PRR16: variants seen among roughly 807,000 people sequenced by gnomAD.
The protein encoded by PRR16 is protein Largen.
PRR16 carries 6 observed loss-of-function variants against 18.2 expected under a neutral mutation model. The ratio of observed to expected loss-of-function variants is 0.33; its 90% CI spans 0.18 to 0.65. PRR16 has a LOEUF of 0.65. Ranked by LOEUF, PRR16 falls within the 30% of genes least tolerant of loss-of-function variation. PRR16 has a pLI of 0.74. For synonymous variants in PRR16, 151 were observed against 147.8 expected (o/e 1.02, Z -0.16); for missense variants, 412 against 376.6 (o/e 1.09, Z -0.78).
intron 1 of PRR16, among the ~76,000 whole-genome samples, chr5:120,573,488 G>T (rs1462617836): frequency 6.6e-6 from 1 of 152,056 alleles, no homozygotes; most frequent in Non-Finnish European, 1.5e-5. Flanking sequence ...TTGCATTTCA[G>T]ATGCTAATTT....
At chr5:120,678,132 A>G (rs1756865270) in intron 1 of PRR16, among the ~76,000 whole-genome samples, 1 of 151,994 alleles carries the variant, frequency 6.6e-6, no homozygotes, top group African/African-American at 2.4e-5. Context: ...GATGGTGTCG[A>G]TCTCCTGACC....
chr5:120,720,775 T>A, the PRR16 span, among the ~76,000 whole-genome samples: 9 of 152,156 alleles, frequency 5.9e-5, no homozygotes, highest in South Asian at 1.9e-3. Flanking sequence ...TTTCTCAAAG[T>A]GTGTCTTGAA....
chr5:120,576,811 A>G lies in PRR16; in HGVS notation c.160-109143A>G, dbSNP rs138758991. Among the ~76,000 whole-genome samples, 44 of 152,118 alleles carry G rather than the reference A, an allele frequency of 2.9e-4. No individual in the cohort carries two copies. The East Asian group carries it at 8.6e-3, about 30-fold the overall frequency. On this transcript the variant is annotated intron_variant, in intron 1 of 1. Transcript: ENST00000407149. The stretch of plus-strand genomic sequence containing the variant: ...GCCTTAATACTCTGACTGGAACTCT[A>G]CCATTGGCTCTCCTGGGTCTCCAGC...
chr5:120,652,352 G>A (rs1050389641), intron 1 of PRR16, among the ~76,000 whole-genome samples: 1 of 152,156 alleles, frequency 6.6e-6, no homozygotes, highest in East Asian at 1.9e-4. Context: ...AGTCATATAA[G>A]CTTGTTACTT....
At chr5:120,641,923 T>A (rs911164318) in intron 1 of PRR16, among the ~76,000 whole-genome samples, 1 of 152,100 alleles carries the variant, frequency 6.6e-6, no homozygotes, top group African/African-American at 2.4e-5. Context: ...CCACTGTCCT[T>A]ACCCTAGGCA....
the PRR16 span, among the ~76,000 whole-genome samples, chr5:120,781,676 C>T: frequency 2.0e-5 from 3 of 151,946 alleles, no homozygotes; most frequent in Admixed American, 1.3e-4. Flanking sequence ...TTTGGAGTAC[C>T]ATGTTCTCAA....
rs751118607 is a variant in PRR16 at position 120,686,063 on chromosome 5, C to A, written c.269C>A (p.Ser90Tyr). 6 of 1,613,986 alleles carry A rather than the reference C, an allele frequency of 3.7e-6. No individual in the cohort carries two copies. The highest frequency in any genetic ancestry group is 8.5e-7 in the Non-Finnish European group (1 of 1,180,028). ...AGTAGCTCAAGTGGCACAACAGCCT[C>A]CAGCCTAGAGAAGATCAAAGTGCAG... ...LNSSSSGTTA[S>Y]SLEKIKVQAN... The change falls in exon 2 of 2, where the codon TCC becomes TAC. Residue 90 changes from serine to tyrosine, a missense_variant. Ser to Tyr is a moderately radical substitution (Grantham distance 144). Transcript: ENST00000407149.
the PRR16 span, among the ~76,000 whole-genome samples, chr5:120,746,452 G>C: frequency 0.1 from 15,736 of 151,786 alleles, 1,031 homozygotes; most frequent in African/African-American, 0.18. Flanking sequence ...TTAGTGAAGT[G>C]TATCTTAGTA....
At chr5:120,663,705 A>G (rs886156581) in intron 1 of PRR16, among the ~76,000 whole-genome samples, 15 of 152,148 alleles carry the variant, frequency 9.9e-5, no homozygotes, top group Admixed American at 5.2e-4. Flanking sequence ...ATACACATTC[A>G]TATCACTGTA....
rs558022786 is a variant in PRR16 at position 120,654,022 on chromosome 5, C to T, written c.160-31932C>T. On this transcript the variant is annotated intron_variant, in intron 1 of 1. Coordinates refer to ENST00000407149, the MANE Select transcript of PRR16 (RefSeq NM_001300783.2). ...TAGCTAGGCAAATGACCACCCTGTC[C>T]CAAAAACCTACATTTCTCAAACTCT... 7.2e-5 allele frequency among the ~76,000 whole-genome samples: 11 copies of T among 152,092 alleles called. No individual in the cohort carries two copies. The South Asian group carries it at 2.3e-3, about 32-fold the overall frequency.
intron 1 of PRR16, among the ~76,000 whole-genome samples, chr5:120,538,423 T>C (rs1751799105): frequency 6.6e-6 from 1 of 152,304 alleles, no homozygotes; most frequent in East Asian, 1.9e-4. Context: ...GGAACAACAG[T>C]CATCTATAAA....
At chr5:120,722,938 C>A in the PRR16 span, among the ~76,000 whole-genome samples, 1 of 151,202 alleles carries the variant, frequency 6.6e-6, no homozygotes, top group African/African-American at 2.4e-5. Flanking sequence ...TACATCTATA[C>A]TCTCCATATA....
intron 1 of PRR16, among the ~76,000 whole-genome samples, chr5:120,584,645 A>G (rs1753380737): frequency 6.6e-6 from 1 of 152,182 alleles, no homozygotes; most frequent in Non-Finnish European, 1.5e-5. Context: ...GCATTTTATA[A>G]TGGACTAAGA....
chr5:120,734,016 TAATAC>T, the PRR16 span, among the ~76,000 whole-genome samples: 1 of 152,366 alleles, frequency 6.6e-6, no homozygotes, highest in East Asian at 1.9e-4. Flanking sequence ...ACTTATTCAT[TAATAC>T]AACTGTGTGA....
rs1452246089 is a variant in PRR16, at chr5:120,686,304, T to A, written c.510T>A (p.Asp170Glu). 6.2e-7 allele frequency: 1 copy of A among 1,614,146 alleles called. No homozygotes were observed. Among genetic ancestry groups the A allele is most frequent in the East Asian group, 2.2e-5 (1 of 44,880 alleles). ...PGGPNKIPNG[D>E]ICCIPNSNLD... Reference sequence around the variant, plus strand: ...GACCTAACAAAATTCCAAATGGAGATATCTGCTGCATACCCAACAGTAACT... The same window carrying A: ...GACCTAACAAAATTCCAAATGGAGAAATCTGCTGCATACCCAACAGTAACT... Residue 170 changes from aspartate to glutamate, a missense_variant, in exon 2 of 2, where the codon GAT (aspartate) becomes GAA (glutamate). Asp to Glu is a conservative substitution (Grantham distance 45). Transcript: ENST00000407149.
chr5:120,634,691 G>A (rs935456606), intron 1 of PRR16, among the ~76,000 whole-genome samples: 4 of 151,936 alleles, frequency 2.6e-5, no homozygotes, highest in African/African-American at 4.8e-5. Flanking sequence ...TATAAGGTCA[G>A]ACTTCATGAA....
At chr5:120,662,628 GT>G (rs1756215313) in intron 1 of PRR16, among the ~76,000 whole-genome samples, 1 of 151,994 alleles carries the variant, frequency 6.6e-6, no homozygotes, top group Non-Finnish European at 1.5e-5. Context: ...TCACAATAGT[GT>G]TTATAGAGTC....
At chr5:120,580,574 C>G (rs1450588801) in intron 1 of PRR16, among the ~76,000 whole-genome samples, 2 of 151,628 alleles carry the variant, frequency 1.3e-5, no homozygotes, top group Non-Finnish European at 2.9e-5. Context: ...CCTGCCTCAG[C>G]CTCCCGAGTA....
At chr5:120,507,486 C>G (rs530455389) in intron 1 of PRR16, among the ~76,000 whole-genome samples, 1 of 151,980 alleles carries the variant, frequency 6.6e-6, no homozygotes, top group African/African-American at 2.4e-5. Context: ...GATGGAGTAC[C>G]TCATCAATTT....
Sources: gnomAD v4.1 joint callset for allele counts (sites outside exome capture counted in the v4.1 genomes callset) on GRCh38, gnomAD v4.1.1 for gene constraint, MANE v1.5 for transcripts, NCBI Gene and HGNC (gene_info 2026-07-23, HGNC 2026-07-21) for gene names.